Variants in TECRL observed in about 807,000 individuals in gnomAD.
TECRL encodes trans-2,3-enoyl-CoA reductase like.
In TECRL, 63 loss-of-function variants were observed where a neutral mutation model predicts 52.8. The ratio of observed to expected loss-of-function variants is 1.19; its 90% CI spans 0.97 to 1.47. TECRL has a LOEUF of 1.47. TECRL is among the 40% of genes most tolerant of loss of function. The pLI, the probability that TECRL is intolerant of heterozygous loss-of-function variation, is 0.00. For synonymous variants in TECRL, 164 were observed against 141.9 expected, an observed-to-expected ratio of 1.16 and a Z score of -1.10; for missense variants, 482 against 429.6, an observed-to-expected ratio of 1.12 and a Z score of -1.08.
At chr4:64,337,383 C>G (rs1284823001) in intron 2 of TECRL, among the ~76,000 whole-genome samples, 1 of 152,206 alleles carries the variant, frequency 6.6e-6, no homozygotes, top group Non-Finnish European at 1.5e-5. Context: ...GGAATGCCCT[C>G]TCTCACCACT....
chr4:64,324,061 A>T (rs1718086559), intron 3 of TECRL, among the ~76,000 whole-genome samples: 1 of 152,162 alleles, frequency 6.6e-6, no homozygotes. Context: ...GGTTTCCAGT[A>T]TTACAGACTT....
chr4:64,366,321 A>G (rs141847276), intron 2 of TECRL, among the ~76,000 whole-genome samples: 194 of 152,210 alleles, frequency 1.3e-3, no homozygotes, highest in African/African-American at 4.5e-3. Flanking sequence ...GGAAGACAAG[A>G]TAGGGTAATA....
chr4:64,386,191 A>G (rs1311690914), intron 1 of TECRL, among the ~76,000 whole-genome samples: 3 of 152,206 alleles, frequency 2.0e-5, no homozygotes, highest in African/African-American at 4.8e-5. Context: ...CACATACTGC[A>G]TCTATATAAT....
chr4:64,287,330 T>G (rs1723129737), intron 9 of TECRL, among the ~76,000 whole-genome samples: 1 of 152,194 alleles, frequency 6.6e-6, no homozygotes, highest in African/African-American at 2.4e-5. Context: ...TCACCATTGT[T>G]CTAATAAAAT....
At chr4:64,296,146 A>G (rs1723668403) in intron 8 of TECRL, among the ~76,000 whole-genome samples, 1 of 151,898 alleles carries the variant, frequency 6.6e-6, no homozygotes, top group Non-Finnish European at 1.5e-5. Flanking sequence ...AAAGCACTGA[A>G]CTTTGGCACC....
chr4:64,345,267 C>T (rs1015007533), intron 2 of TECRL, among the ~76,000 whole-genome samples: 9 of 152,162 alleles, frequency 5.9e-5, no homozygotes, highest in African/African-American at 1.9e-4. Context: ...TTTATTGCGG[C>T]ACTATTCACA....
At chr4:64,329,799 G>A (rs10084847) in intron 2 of TECRL, among the ~76,000 whole-genome samples, 6,915 of 151,484 alleles carry the variant, frequency 0.046, 338 homozygotes, top group African/African-American at 0.12. Flanking sequence ...AAATATAGCC[G>A]TGATATTAAA....
intron 8 of TECRL, among the ~76,000 whole-genome samples, chr4:64,293,595 C>T (rs1231512747): frequency 6.6e-6 from 1 of 151,960 alleles, no homozygotes; most frequent in Non-Finnish European, 1.5e-5. Context: ...TACCAATTAC[C>T]AATGACTAAA....
At chr4:64,342,287 A>C (rs1172008362) in intron 2 of TECRL, among the ~76,000 whole-genome samples, 1 of 152,046 alleles carries the variant, frequency 6.6e-6, no homozygotes. Flanking sequence ...GAGAACAAGT[A>C]CTCTGGATCA....
intron 2 of TECRL, among the ~76,000 whole-genome samples, chr4:64,354,441 A>G (rs1577923242): frequency 6.6e-6 from 1 of 152,318 alleles, no homozygotes; most frequent in East Asian, 1.9e-4. Context: ...CTTTTACAGC[A>G]GGACAAGTAG....
At chr4:64,392,570 C>T (rs1430155388) in intron 1 of TECRL, among the ~76,000 whole-genome samples, 2 of 151,848 alleles carry the variant, frequency 1.3e-5, no homozygotes, top group Non-Finnish European at 2.9e-5. Context: ...GGGGAGAAAA[C>T]AATAATTTTA....
At chr4:64,400,231 C>G (rs140886007) in intron 1 of TECRL, among the ~76,000 whole-genome samples, 1,584 of 152,254 alleles carry the variant, frequency 0.01, 33 homozygotes, top group African/African-American at 0.036. Flanking sequence ...AGGTTTTGGA[C>G]TTGCATGGAC....
rs550246406 is a variant in TECRL, at chr4:64,294,763, C to T, written c.775-4996G>A. Among the ~76,000 whole-genome samples, 11 of 151,990 alleles carry T rather than the reference C, an allele frequency of 7.2e-5. No homozygotes were observed. The East Asian group carries it at 1.9e-3, about 27-fold the overall frequency. On this transcript the variant is annotated intron_variant, in intron 8 of 11. Coordinates refer to ENST00000381210, the MANE Select transcript of TECRL (RefSeq NM_001010874.5). ...GTTATTATTATTTTATCTATAGCAACAATAATAGTAATAATAATAATTATA... is the reference window on the plus strand; with the variant it reads ...GTTATTATTATTTTATCTATAGCAATAATAATAGTAATAATAATAATTATA...
chr4:64,349,572 T>G (rs1720236293), intron 2 of TECRL, among the ~76,000 whole-genome samples: 1 of 152,230 alleles, frequency 6.6e-6, no homozygotes. Flanking sequence ...GATTCTAAGC[T>G]TTAACACAAT....
intron 2 of TECRL, among the ~76,000 whole-genome samples, chr4:64,336,392 A>T (rs1275591835): frequency 1.3e-5 from 2 of 151,418 alleles, no homozygotes; most frequent in East Asian, 3.9e-4. Flanking sequence ...ATCTATTTGA[A>T]TCTTCTCTCT....
At position 64,402,580 on chromosome 4, in the gene TECRL, A is replaced by G. The variant is rs1200527127; in HGVS notation, c.234+6538T>C. 2.0e-5 allele frequency among the ~76,000 whole-genome samples: 3 copies of G among 152,100 alleles called. 1 individual carries two copies. Among genetic ancestry groups the G allele is most frequent in the African/African-American group, 7.2e-5 (3 of 41,434 alleles). Reference sequence around the variant, plus strand: ...ATCTCTTTTGGACAATACGGAATGAATATGAACTATACAGATTGTGACGGA... The same window carrying G: ...ATCTCTTTTGGACAATACGGAATGAGTATGAACTATACAGATTGTGACGGA... On this transcript the variant is annotated intron_variant, in intron 1 of 11. Transcript: ENST00000381210.
At chr4:64,299,302 A>G (rs1723869323) in intron 8 of TECRL, 1 of 151,130 alleles carries the variant, frequency 6.6e-6, no homozygotes, top group Non-Finnish European at 1.5e-5. Context: ...TGCAAGAAAT[A>G]TGAACTTGTA....
chr4:64,308,048 GAAAAA>G (rs1335484143), intron 6 of TECRL, among the ~76,000 whole-genome samples: 2 of 152,112 alleles, frequency 1.3e-5, no homozygotes, highest in African/African-American at 4.8e-5. Context: ...CTCACAGCCT[GAAAAA>G]GCCAGAGCAG....
intron 1 of TECRL, among the ~76,000 whole-genome samples, chr4:64,382,313 A>G (rs1166551642): frequency 6.9e-6 from 1 of 145,014 alleles, no homozygotes; most frequent in Non-Finnish European, 1.5e-5. Flanking sequence ...TATATTATAT[A>G]TTATATCTAT....
Sources: allele counts gnomAD v4.1 joint callset (sites outside exome capture counted in the v4.1 genomes callset), GRCh38; gene constraint gnomAD v4.1.1; transcripts MANE v1.5; gene names NCBI Gene and HGNC (gene_info 2026-07-23, HGNC 2026-07-21).